Variants in PPP3CA observed in about 807,000 individuals in gnomAD.
PPP3CA encodes the protein protein phosphatase 3 catalytic subunit alpha, also known as CAM-PRP catalytic subunit.
Under a neutral mutation model 66.5 loss-of-function variants are expected in PPP3CA, and 14 were observed. That is an observed-to-expected ratio of 0.21 (90% CI 0.14 to 0.33). The LOEUF is 0.33. Ranked by LOEUF, PPP3CA falls within the 10% of genes least tolerant of loss-of-function variation. The pLI, the probability that PPP3CA is intolerant of heterozygous loss-of-function variation, is 1.00. For missense variants in PPP3CA, 317 were observed against 639.5 expected (o/e 0.50, Z 5.44); for synonymous variants, 232 against 226.2 (o/e 1.03, Z -0.23).
At chr4:101,339,671 G>A (rs116348003) in intron 1 of PPP3CA, among the ~76,000 whole-genome samples, 2,127 of 152,298 alleles carry the variant, frequency 0.014, 39 homozygotes, top group African/African-American at 0.04. Flanking sequence ...AGGCACATGA[G>A]AATTTTACAA....
chr4:101,194,505 T>C (rs1724721867), intron 2 of PPP3CA, among the ~76,000 whole-genome samples: 1 of 152,190 alleles, frequency 6.6e-6, no homozygotes, highest in African/African-American at 2.4e-5. Context: ...AACCTGTAAA[T>C]TAAGCAAACT....
chr4:101,089,381 A>C (rs1729812795), intron 6 of PPP3CA, among the ~76,000 whole-genome samples: 1 of 152,212 alleles, frequency 6.6e-6, no homozygotes, highest in South Asian at 2.1e-4. Flanking sequence ...ACTGCTGCAC[A>C]GAAGCTGGGC....
At chr4:101,135,248 A>T (rs1722581052) in intron 2 of PPP3CA, among the ~76,000 whole-genome samples, 1 of 70,838 alleles carries the variant, frequency 1.4e-5, no homozygotes. Context: ...TCCTTCTCAA[A>T]AAAAAAAAAA....
chr4:101,214,938 T>C (rs1725411396), intron 1 of PPP3CA, among the ~76,000 whole-genome samples: 1 of 152,146 alleles, frequency 6.6e-6, no homozygotes, highest in Admixed American at 6.6e-5. Flanking sequence ...TATAATTCTT[T>C]AGCCAAAATG....
chr4:101,142,441 A>G (rs373419390), intron 2 of PPP3CA, among the ~76,000 whole-genome samples: 1 of 152,232 alleles, frequency 6.6e-6, no homozygotes. Flanking sequence ...ATAGACTTTC[A>G]GAATGAATAG....
At chr4:101,147,122 G>C (rs1440104056) in intron 2 of PPP3CA, among the ~76,000 whole-genome samples, 1 of 152,190 alleles carries the variant, frequency 6.6e-6, no homozygotes, top group Non-Finnish European at 1.5e-5. Context: ...GCTGGGGCTT[G>C]AACCCAGATT....
chr4:101,110,826 T>C (rs1162673306), intron 2 of PPP3CA, among the ~76,000 whole-genome samples: 3 of 152,182 alleles, frequency 2.0e-5, no homozygotes, highest in African/African-American at 7.2e-5. Context: ...GGTCCAAGCA[T>C]TGCCAGGCAT....
intron 1 of PPP3CA, among the ~76,000 whole-genome samples, chr4:101,212,927 C>A (rs956711706): frequency 2.0e-5 from 3 of 151,972 alleles, no homozygotes; most frequent in Non-Finnish European, 2.9e-5. Context: ...GTTTTCTTAG[C>A]GATCTGAATA....
intron 2 of PPP3CA, among the ~76,000 whole-genome samples, chr4:101,186,766 C>T (rs1372443357): frequency 6.6e-6 from 1 of 152,064 alleles, no homozygotes; most frequent in African/African-American, 2.4e-5. Context: ...TTACTTACAT[C>T]CACAAAAGGG....
intron 2 of PPP3CA, among the ~76,000 whole-genome samples, chr4:101,129,749 G>A (rs1722367400): frequency 6.6e-6 from 1 of 152,130 alleles, no homozygotes. Context: ...AAGGTCAACA[G>A]CATCAAAGAC....
intron 1 of PPP3CA, among the ~76,000 whole-genome samples, chr4:101,295,583 T>C (rs1017925084): frequency 9.9e-5 from 15 of 152,216 alleles, no homozygotes; most frequent in African/African-American, 3.4e-4. Flanking sequence ...TTTAAGACCA[T>C]GTCTAGACAG....
chr4:101,137,379 T>C (rs932434399), intron 2 of PPP3CA, among the ~76,000 whole-genome samples: 1 of 151,968 alleles, frequency 6.6e-6, no homozygotes, highest in Non-Finnish European at 1.5e-5. Context: ...CCACTTTAAA[T>C]AAGGAATTAC....
At position 101,290,467 on chromosome 4, in the gene PPP3CA, C is replaced by A. The variant is rs375591194; in HGVS notation, c.58+56272G>T. Among the ~76,000 whole-genome samples the A allele has an allele frequency of 3.3e-5, 5 of 152,244 alleles. No individual in the cohort carries two copies. The East Asian group carries it at 9.6e-4, about 29-fold the overall frequency. ...CTTGCTTAATTAATATAAATATTTC[C>A]TTGCTTAAATAATATAAATACATGA... On this transcript the variant is annotated intron_variant, in intron 1 of 13. Transcript: ENST00000394854.
intron 6 of PPP3CA, among the ~76,000 whole-genome samples, chr4:101,085,711 T>C (rs1350944355): frequency 3.9e-5 from 6 of 152,140 alleles, no homozygotes; most frequent in Non-Finnish European, 7.4e-5. Flanking sequence ...ACTATTTACC[T>C]AGGATATACA....
At chr4:101,309,414 G>A (rs948553783) in intron 1 of PPP3CA, among the ~76,000 whole-genome samples, 1 of 152,120 alleles carries the variant, frequency 6.6e-6, no homozygotes, top group African/African-American at 2.4e-5. Flanking sequence ...GTGGCAGCCA[G>A]GCTTCTAAAG....
chr4:101,125,926 C>T (rs1036177400), intron 2 of PPP3CA, among the ~76,000 whole-genome samples: 16 of 152,214 alleles, frequency 1.1e-4, no homozygotes, highest in African/African-American at 2.9e-4. Context: ...ACTTTCTTCT[C>T]ACTTTCAATG....
chr4:101,036,886 T>C (rs1021654004), intron 11 of PPP3CA, among the ~76,000 whole-genome samples: 19 of 152,232 alleles, frequency 1.2e-4, no homozygotes, highest in South Asian at 4.1e-4. Context: ...ATCCTATCAA[T>C]GGCATAGACT....
chr4:101,261,545 A>G (rs953672966), intron 1 of PPP3CA, among the ~76,000 whole-genome samples: 2 of 152,092 alleles, frequency 1.3e-5, no homozygotes, highest in African/African-American at 4.8e-5. Flanking sequence ...AAGCATTTGC[A>G]AACACCACAG....
chr4:101,038,765 A>C (rs1727375253), intron 11 of PPP3CA, among the ~76,000 whole-genome samples: 1 of 152,206 alleles, frequency 6.6e-6, no homozygotes, highest in Admixed American at 6.5e-5. Flanking sequence ...GTTAATGCTC[A>C]ATCATTATTT....
Sources: allele counts gnomAD v4.1 joint callset (sites outside exome capture counted in the v4.1 genomes callset), GRCh38; gene constraint gnomAD v4.1.1; transcripts MANE v1.5; gene names NCBI Gene and HGNC (gene_info 2026-07-23, HGNC 2026-07-21).